The following DBF4 variants were observed in gnomAD, a reference collection of about 807,000 sequenced individuals.
The protein encoded by DBF4 is protein DBF4 homolog A.
DBF4 carries 25 observed loss-of-function variants against 76.6 expected under a neutral mutation model. The ratio of observed to expected loss-of-function variants is 0.33; its 90% CI spans 0.24 to 0.46. The LOEUF (loss-of-function observed/expected upper bound fraction) is 0.46. DBF4 is among the 20% of genes least tolerant of loss of function. DBF4 has a pLI of 1.00. For synonymous variants in DBF4, 213 were observed against 258.0 expected, an observed-to-expected ratio of 0.83 and a Z score of 1.67; for missense variants, 638 against 760.8, an observed-to-expected ratio of 0.84 and a Z score of 1.90.
intron 8 of DBF4, among the ~76,000 whole-genome samples, chr7:87,898,347 G>T (rs540064839): frequency 2.0e-5 from 3 of 152,186 alleles, no homozygotes; most frequent in Non-Finnish European, 4.4e-5. Flanking sequence ...ATATAATATT[G>T]TTAAGATGTT....
chr7:87,904,268 TAC>T, intron 10 of DBF4, 22 bp from the exon 11 acceptor site: 2 of 1,572,730 alleles, frequency 1.3e-6, no homozygotes, highest in East Asian at 4.5e-5. Context: ...AATTTTTTGA[TAC>T]ATGTTTTTAA....
At chr7:87,900,442 A>G in intron 9 of DBF4, 93 bp downstream of exon 9, 1 of 1,388,352 alleles carries the variant, frequency 7.2e-7, no homozygotes, top group East Asian at 2.4e-5. Flanking sequence ...TTATGCCATA[A>G]TGGTTATTTG....
chr7:87,893,491 C>A (rs537923314), intron 6 of DBF4, among the ~76,000 whole-genome samples: 1 of 151,244 alleles, frequency 6.6e-6, no homozygotes, highest in South Asian at 2.1e-4. Context: ...ATGATCCACC[C>A]GCCTCGGCCT....
Position 87,895,378 on chromosome 7 carries a change from T to A in DBF4, c.598-1096T>A, listed in dbSNP as rs192325330. 1.7e-4 allele frequency among the ~76,000 whole-genome samples: 26 copies of A among 152,362 alleles called. No individual in the cohort carries two copies. In the East Asian group the frequency reaches 4.8e-3, roughly 28 times the overall value. ...GTCCTTTTCTCTCAAAAATTGATAA[T>A]GTTTTTCTGGTTGTTTACATGTGAA... On this transcript the variant is annotated intron_variant, in intron 6 of 11. Transcript: ENST00000265728.
intron 2 of DBF4, among the ~76,000 whole-genome samples, chr7:87,880,395 G>A (rs1839182314): frequency 1.3e-5 from 2 of 151,968 alleles, no homozygotes; most frequent in Admixed American, 6.5e-5. Flanking sequence ...ATTTTCCTTT[G>A]GATTTCCCAA....
chr7:87,878,396 A>C (rs993394145), intron 2 of DBF4, 171 bp downstream of exon 2: 1 of 562,098 alleles, frequency 1.8e-6, no homozygotes, highest in Non-Finnish European at 3.0e-6. Flanking sequence ...CCTTTTGTGG[A>C]CTGACAGACC....
chr7:87,886,905 A>G lies in DBF4; in HGVS notation c.450+11A>G, dbSNP rs1032941338. ...GCTATCAAGGACCATGTAAGTAGGA[A>G]CTATAAAGATTCACATTGTACATTT... On this transcript the variant is annotated intron_variant, in intron 4 of 11. Coordinates refer to ENST00000265728, the MANE Select transcript of DBF4 (RefSeq NM_006716.4). 3.7e-5 allele frequency: 55 copies of G among 1,498,846 alleles called. No individual in the cohort carries two copies. The highest frequency in any genetic ancestry group is 4.9e-5 in the Non-Finnish European group (54 of 1,091,388). 92.8% of individuals were successfully genotyped at this position (1,498,846 alleles called of 1,614,324 possible). A position where few individuals can be genotyped will look rare whatever the true frequency, so the allele number is the denominator to read the frequency against.
intron 2 of DBF4, among the ~76,000 whole-genome samples, chr7:87,883,186 A>G (rs984746903): frequency 6.6e-6 from 1 of 152,176 alleles, no homozygotes; most frequent in Non-Finnish European, 1.5e-5. Context: ...CAAAAGAACA[A>G]ATGTAGGATT....
intron 6 of DBF4, among the ~76,000 whole-genome samples, chr7:87,889,855 C>G (rs977804214): frequency 3.9e-5 from 6 of 152,140 alleles, no homozygotes; most frequent in African/African-American, 1.4e-4. Flanking sequence ...TGAGGAATTA[C>G]AAGGATTAGA....
At chr7:87,894,914 T>C (rs1839595809) in intron 6 of DBF4, among the ~76,000 whole-genome samples, 1 of 152,258 alleles carries the variant, frequency 6.6e-6, no homozygotes, top group Non-Finnish European at 1.5e-5. Flanking sequence ...TGTAAATTTA[T>C]GTTTGGAAAG....
At chr7:87,876,965 C>T (rs1040334917) in intron 1 of DBF4, among the ~76,000 whole-genome samples, 187 bp downstream of exon 1, 1 of 152,220 alleles carries the variant, frequency 6.6e-6, no homozygotes, top group African/African-American at 2.4e-5. Context: ...GACCCGGCCC[C>T]TCGAGCGCTC....
In DBF4 at chr7:87,897,322, G is replaced by A. The variant is rs202195167; in HGVS notation, c.663G>A (p.Lys221=). 7.0e-5 allele frequency: 113 copies of A among 1,612,524 alleles called. No homozygotes were observed. Among genetic ancestry groups the A allele is most frequent in the Admixed American group, 2.8e-4 (17 of 59,914 alleles). ...RTGRLKKPFV[K]VEDMSQLYRP... is the part of the protein sequence containing the mutation. The stretch of plus-strand genomic sequence containing the variant: ...GAAGACTCAAAAAGCCTTTTGTAAA[G>A]GTGGAAGATATGAGCCAGTAAGTAT... Residue 221 remains lysine (K), a synonymous_variant, in exon 8 of 12, where the codon AAG becomes AAA. Coordinates refer to ENST00000265728, the MANE Select transcript of DBF4 (RefSeq NM_006716.4).
intron 10 of DBF4, among the ~76,000 whole-genome samples, chr7:87,902,803 A>G (rs1044091686): frequency 1.3e-5 from 2 of 152,212 alleles, no homozygotes; most frequent in African/African-American, 2.4e-5. Context: ...GTTTGCAAGT[A>G]ATGAAGGAAT....
In DBF4 at chr7:87,876,752, G is replaced by A. The variant is rs771701559; in HGVS notation, c.20G>A (p.Arg7Lys). 124 of 1,614,052 alleles carry A rather than the reference G, an allele frequency of 7.7e-5. No individual in the cohort carries two copies. The highest frequency in any genetic ancestry group is 9.7e-5 in the Non-Finnish European group (115 of 1,180,038). Residue 7 changes from arginine to lysine, a missense_variant, in exon 1 of 12, where the codon AGG (arginine) becomes AAG (lysine). Coordinates refer to ENST00000265728, the MANE Select transcript of DBF4 (RefSeq NM_006716.4). ...ACTGCCATGAACTCCGGAGCCATGAGGATCCACAGTAAAGGACATTTCCAG... is the reference window on the plus strand; with the variant it reads ...ACTGCCATGAACTCCGGAGCCATGAAGATCCACAGTAAAGGACATTTCCAG... Reference protein sequence around the residue: MNSGAMRIHSKGHFQGG... With the variant: MNSGAMKIHSKGHFQGG...
At position 87,907,709 on chromosome 7, in the gene DBF4, A is replaced by G. The variant is rs770271516; in HGVS notation, c.1571A>G (p.His524Arg). Reference protein sequence around the residue: ...PAKDLKEKDLHSIFTHDSGLI... With the variant: ...PAKDLKEKDLRSIFTHDSGLI... ...AAGGATCTCAAGGAAAAGGACCTTC[A>G]TTCAATATTTACTCATGATTCTGGT... Residue 524 changes from histidine to arginine, a missense_variant, in exon 12 of 12, where the codon CAT (histidine) becomes CGT (arginine). Physicochemically the swap from His to Arg is conservative, Grantham distance 29. Transcript: ENST00000265728. 2 of 1,614,114 alleles carry G rather than the reference A, an allele frequency of 1.2e-6. No homozygotes were observed. Among genetic ancestry groups the G allele is most frequent in the South Asian group, 1.1e-5 (1 of 91,082 alleles).
At chr7:87,902,698 A>G (rs1378468320) in intron 10 of DBF4, among the ~76,000 whole-genome samples, 1 of 152,230 alleles carries the variant, frequency 6.6e-6, no homozygotes, top group Admixed American at 6.5e-5. Context: ...GAACATTAAC[A>G]GAGTGAATCT....
Position 87,907,950 on chromosome 7 carries a change from A to C in DBF4, c.1812A>C (p.Thr604=). Residue 604 remains threonine, a synonymous_variant, in exon 12 of 12, where the codon ACA becomes ACC. Coordinates refer to ENST00000265728, the MANE Select transcript of DBF4 (RefSeq NM_006716.4). ...TTGATAAAAGAACTGAATTTATTAC[A>C]CAAGAAGAAAACAGAATTTGTAGTT... ...AEFDKRTEFI[T]QEENRICSSP... 1 of 1,612,630 alleles carries C rather than the reference A, an allele frequency of 6.2e-7. No individual in the cohort carries two copies. Among genetic ancestry groups the C allele is most frequent in the Non-Finnish European group, 8.5e-7 (1 of 1,179,568 alleles).
At chr7:87,905,321 G>A (rs1839891410) in intron 11 of DBF4, among the ~76,000 whole-genome samples, 1 of 152,178 alleles carries the variant, frequency 6.6e-6, no homozygotes, top group Non-Finnish European at 1.5e-5. Flanking sequence ...TTGCCCACAG[G>A]CTATATAGTG....
chr7:87,896,220 AC>A (rs1301414292), intron 6 of DBF4: 4 of 353,756 alleles, frequency 1.1e-5, no homozygotes, highest in Non-Finnish European at 2.0e-5. Context: ...TTTTAAAAAA[AC>A]ATTTCATTAA....
Sources: gnomAD v4.1 joint callset for allele counts (sites outside exome capture counted in the v4.1 genomes callset) on GRCh38, gnomAD v4.1.1 for gene constraint, MANE v1.5 for transcripts, NCBI Gene and HGNC (gene_info 2026-07-23, HGNC 2026-07-21) for gene names.